Variants in CYP2C18 observed in about 807,000 individuals in gnomAD.
The protein encoded by CYP2C18 is cytochrome P450 2C18.
CYP2C18 carries 38 observed loss-of-function variants against 41.3 expected under a neutral mutation model. The observed-to-expected ratio is 0.92, with a 90% CI of 0.71 to 1.21. The LOEUF is 1.21. Ranked by LOEUF, CYP2C18 falls within the 50% of genes most tolerant of loss-of-function variation. The pLI, the probability that CYP2C18 is intolerant of heterozygous loss-of-function variation, is 0.00. For synonymous variants in CYP2C18, 236 were observed against 210.0 expected (o/e 1.12, Z -1.07); for missense variants, 635 against 591.4 (o/e 1.07, Z -0.77).
intron 8 of CYP2C18, among the ~76,000 whole-genome samples, chr10:94,734,517 G>A (rs1373472011): frequency 6.6e-6 from 1 of 152,154 alleles, no homozygotes; most frequent in Non-Finnish European, 1.5e-5. Flanking sequence ...AGTTTCTATT[G>A]ACTAGGGATC....
At chr10:94,710,331 C>G (rs1332213277) in intron 5 of CYP2C18, among the ~76,000 whole-genome samples, 1 of 152,168 alleles carries the variant, frequency 6.6e-6, no homozygotes, top group African/African-American at 2.4e-5. Flanking sequence ...TTTGTTCTTT[C>G]CCAAGATTGT....
rs59636573 is a variant in CYP2C18, at chr10:94,724,372, G to T, written c.988G>T (p.Val330Leu). ...TAAAGTCCAGGAAGAGATTGAATGT[G>T]TAGTTGGCAGAAACCGGAGCCCCTG... ...TAKVQEEIECVVGRNRSPCMQ... is the reference protein window; with the variant it reads ...TAKVQEEIECLVGRNRSPCMQ... The change falls in exon 7 of 9, where the codon GTA (valine) becomes TTA (leucine). Residue 330 changes from valine to leucine, a missense_variant. Val to Leu is a conservative substitution (Grantham distance 32). Coordinates refer to ENST00000285979, the MANE Select transcript of CYP2C18 (RefSeq NM_000772.3). 1,011 of 1,613,328 alleles carry T rather than the reference G, an allele frequency of 6.3e-4. 6 individuals are homozygous for T. In the African/African-American group the frequency reaches 0.012, roughly 19 times the overall value.
At chr10:94,689,071 TATCA>T (rs1032724657) in intron 3 of CYP2C18, among the ~76,000 whole-genome samples, 106 of 152,330 alleles carry the variant, frequency 7.0e-4, no homozygotes, top group African/African-American at 2.4e-3. Flanking sequence ...GTGTAGCTTT[TATCA>T]ATTTTAATTT....
At chr10:94,727,551 G>A (rs746750993) in intron 7 of CYP2C18, among the ~76,000 whole-genome samples, 57 of 151,864 alleles carry the variant, frequency 3.8e-4, no homozygotes, top group Admixed American at 6.6e-4. Context: ...AGAGGTTGAC[G>A]CTGCTGTGAG....
At chr10:94,695,920 C>T (rs1847108227) in intron 4 of CYP2C18, among the ~76,000 whole-genome samples, 1 of 152,054 alleles carries the variant, frequency 6.6e-6, no homozygotes, top group African/African-American at 2.4e-5. Context: ...TGCAAGATGG[C>T]AATGAGGCTG....
Position 94,706,780 on chromosome 10 carries a change from T to C in CYP2C18, c.643-4T>C, listed in dbSNP as rs746353298. 17 of 1,522,838 alleles carry C rather than the reference T, an allele frequency of 1.1e-5. No individual in the cohort carries two copies. Among genetic ancestry groups the C allele is most frequent in the Non-Finnish European group, 1.5e-5 (17 of 1,117,574 alleles). The allele number at this position is 1,522,838 out of a possible 1,614,324, so 94.3% of individuals were successfully genotyped here. ...AATTTAATTAATTTTTAAAAATCTT[T>C]AAGGTCTGCAATAATTTCCCTGCTC... On this transcript the variant is annotated splice_polypyrimidine_tract_variant and splice_region_variant and intron_variant, in intron 4 of 8. Transcript: ENST00000285979.
intron 3 of CYP2C18, among the ~76,000 whole-genome samples, chr10:94,693,593 T>TGCACACACACAC (rs1847056345): frequency 6.6e-6 from 1 of 152,082 alleles, no homozygotes; most frequent in East Asian, 1.9e-4. Flanking sequence ...CATGCATGCA[T>TGCACACACACAC]GCACACACAC....
At chr10:94,720,264 T>C in intron 5 of CYP2C18, 132 bp from the exon 6 acceptor site, 1 of 680,814 alleles carries the variant, frequency 1.5e-6, no homozygotes, top group Non-Finnish European at 2.4e-6. Flanking sequence ...GCAATTGTTG[T>C]AGTTTTAATA....
chr10:94,723,028 A>G (rs1371960488), intron 6 of CYP2C18, among the ~76,000 whole-genome samples: 1 of 152,160 alleles, frequency 6.6e-6, no homozygotes, highest in Admixed American at 6.6e-5. Flanking sequence ...TCAGAGTTAA[A>G]GGGAAAGTCA....
chr10:94,703,581 C>T (rs1303617597), intron 4 of CYP2C18, among the ~76,000 whole-genome samples: 1 of 152,104 alleles, frequency 6.6e-6, no homozygotes. Context: ...GACTCCCCTC[C>T]CTCCCATCAA....
chr10:94,683,832 G>A lies in CYP2C18; in HGVS notation c.13G>A (p.Val5Met), dbSNP rs1348730980. Residue 5 changes from valine to methionine, a missense_variant, in exon 1 of 9, where the codon GTG (valine) becomes ATG (methionine). Coordinates refer to ENST00000285979, the MANE Select transcript of CYP2C18 (RefSeq NM_000772.3). ...AGAGAAGCCTTCAATGGATCCAGCTGTGGCTCTGGTGCTCTGTCTCTCCTG... is the reference window on the plus strand; with the variant it reads ...AGAGAAGCCTTCAATGGATCCAGCTATGGCTCTGGTGCTCTGTCTCTCCTG... MDPA[V>M]ALVLCLSCLF... 1.2e-6 allele frequency: 2 copies of A among 1,601,936 alleles called. No homozygotes were observed. Among genetic ancestry groups the A allele is most frequent in the Admixed American group, 1.7e-5 (1 of 57,902 alleles).
intron 4 of CYP2C18, among the ~76,000 whole-genome samples, chr10:94,700,315 A>G (rs988386653): frequency 6.6e-6 from 1 of 152,230 alleles, no homozygotes; most frequent in Non-Finnish European, 1.5e-5. Flanking sequence ...GCCCTCAGAA[A>G]TAATGCCACA....
intron 5 of CYP2C18, among the ~76,000 whole-genome samples, chr10:94,716,806 G>A (rs1847554763): frequency 6.6e-6 from 1 of 152,112 alleles, no homozygotes; most frequent in Admixed American, 6.6e-5. Flanking sequence ...TTATTGTTGT[G>A]TAGGAGTCTA....
intron 4 of CYP2C18, among the ~76,000 whole-genome samples, chr10:94,702,043 A>G (rs1051606231): frequency 6.6e-6 from 1 of 152,220 alleles, no homozygotes; most frequent in Non-Finnish European, 1.5e-5. Flanking sequence ...CTTTTCTTTA[A>G]AAATGTTGAA....
intron 3 of CYP2C18, among the ~76,000 whole-genome samples, chr10:94,690,092 G>T (rs1006879752): frequency 6.6e-6 from 1 of 152,056 alleles, no homozygotes; most frequent in Admixed American, 6.6e-5. Context: ...TTTAGGAACC[G>T]TGAGTAATGA....
chr10:94,726,125 G>A (rs1012185758), intron 7 of CYP2C18, among the ~76,000 whole-genome samples: 7 of 152,022 alleles, frequency 4.6e-5, no homozygotes, highest in African/African-American at 2.4e-5. Context: ...CCCATGCTAG[G>A]CAGACAGAAT....
Position 94,697,413 on chromosome 10 carries a change from T to C in CYP2C18, c.642+2336T>C, listed in dbSNP as rs1044333609. Among the ~76,000 whole-genome samples, 4 of 152,320 alleles carry C rather than the reference T, an allele frequency of 2.6e-5. No individual in the cohort carries two copies. The East Asian group carries it at 7.7e-4, about 29-fold the overall frequency. The stretch of plus-strand genomic sequence containing the variant: ...TAAGTGAAGGAGAAATAAAATCATT[T>C]ATAGACAAGCAAATGCTGAGAGATT... On this transcript the variant is annotated intron_variant, in intron 4 of 8. Transcript: ENST00000285979.
chr10:94,733,805 T>C (rs1847874490), intron 8 of CYP2C18, among the ~76,000 whole-genome samples: 1 of 152,126 alleles, frequency 6.6e-6, no homozygotes, highest in South Asian at 2.1e-4. Flanking sequence ...ATCTTCCCTG[T>C]GGTGTCCCTA....
At chr10:94,697,344 G>T (rs1476770795) in intron 4 of CYP2C18, among the ~76,000 whole-genome samples, 4 of 152,164 alleles carry the variant, frequency 2.6e-5, no homozygotes, top group African/African-American at 7.2e-5. Context: ...TTAAAGAAAA[G>T]AATTTTCAAC....
Sources: allele counts gnomAD v4.1 joint callset (sites outside exome capture counted in the v4.1 genomes callset), GRCh38; gene constraint gnomAD v4.1.1; transcripts MANE v1.5; gene names NCBI Gene and HGNC (gene_info 2026-07-23, HGNC 2026-07-21).